IL1R1: variants seen among roughly 807,000 people sequenced by gnomAD.
IL1R1 encodes interleukin 1 receptor type 1.
A neutral mutation model predicts 50.2 loss-of-function variants in IL1R1; 22 were observed. The ratio of observed to expected loss-of-function variants is 0.44; its 90% CI spans 0.31 to 0.63. IL1R1 has a LOEUF of 0.63. Ranked by LOEUF, IL1R1 falls within the 20% of genes least tolerant of loss-of-function variation. IL1R1 has a pLI of 0.07. For missense variants in IL1R1, 509 were observed against 676.2 expected, an observed-to-expected ratio of 0.75 and a Z score of 2.74; for synonymous variants, 251 against 236.7, an observed-to-expected ratio of 1.06 and a Z score of -0.55.
rs1364335395 is a variant in IL1R1 at position 102,176,526 on chromosome 2, A to G, written c.1477A>G (p.Ile493Val). The change falls in exon 12 of 12, where the codon ATC (isoleucine) becomes GTC (valine). Residue 493 changes from isoleucine (I) to valine (V), a missense_variant. Ile to Val is a conservative substitution (Grantham distance 29, BLOSUM62 3). Transcript: ENST00000410023. ...IKVVLLELEK[I>V]QDYEKMPESI... ...AGTTGTCCTGCTTGAGCTGGAGAAA[A>G]TCCAAGACTATGAGAAAATGCCAGA... 1 of 1,614,160 alleles carries G rather than the reference A, an allele frequency of 6.2e-7. No individual in the cohort carries two copies.
upstream of IL1R1, chr2:102,142,381 C>T (rs1247198419): frequency 6.6e-6 from 1 of 152,148 alleles, no homozygotes; most frequent in Non-Finnish European, 1.5e-5. Flanking sequence ...GATCTGATGC[C>T]CTGGAGTCGC....
intron 1 of IL1R1, among the ~76,000 whole-genome samples, chr2:102,074,080 T>C (rs1257806967): frequency 1.3e-5 from 2 of 152,196 alleles, no homozygotes; most frequent in African/African-American, 4.8e-5. Context: ...AGGTTTGCAA[T>C]ATAATTTAGG....
At chr2:102,136,294 C>T (rs777743794) in intron 1 of IL1R1, among the ~76,000 whole-genome samples, 2 of 152,060 alleles carry the variant, frequency 1.3e-5, no homozygotes, top group African/African-American at 2.4e-5. Context: ...GGTCCTATCG[C>T]CTCTTCTCCC....
intron 1 of IL1R1, among the ~76,000 whole-genome samples, chr2:102,131,059 A>C (rs1682003106): frequency 6.6e-6 from 1 of 152,118 alleles, no homozygotes; most frequent in African/African-American, 2.4e-5. Context: ...GCCTCCCTAA[A>C]AGATTAGATG....
chr2:102,114,493 A>G (rs1244240901), intron 1 of IL1R1, among the ~76,000 whole-genome samples: 1 of 151,796 alleles, frequency 6.6e-6, no homozygotes, highest in Non-Finnish European at 1.5e-5. Flanking sequence ...TGAACCTGCC[A>G]TGACAACCTC....
chr2:102,114,567 G>A (rs999469515), intron 1 of IL1R1, among the ~76,000 whole-genome samples: 1 of 152,214 alleles, frequency 6.6e-6, no homozygotes, highest in Non-Finnish European at 1.5e-5. Context: ...TTTCTGGGCT[G>A]ACTCACAGGG....
rs192912038 is a variant in IL1R1 at position 102,148,415 on chromosome 2, C to G, written c.-84+5395C>G. ...GATTATTATGGACATTTACTTAGGA[C>G]AGTGCCTCTCGGATTTTACCTCCCA... On this transcript the variant is annotated intron_variant, in intron 1 of 11. Coordinates refer to ENST00000410023, the MANE Select transcript of IL1R1 (RefSeq NM_000877.4). Among the ~76,000 whole-genome samples the G allele has an allele frequency of 8.8e-4, 134 of 152,304 alleles. 1 individual carries two copies. Among genetic ancestry groups the G allele is most frequent in the East Asian group, 9.7e-4 (5 of 5,178 alleles).
intron 1 of IL1R1, among the ~76,000 whole-genome samples, chr2:102,097,896 T>G (rs1389132071): frequency 1.3e-5 from 2 of 151,934 alleles, no homozygotes; most frequent in African/African-American, 4.8e-5. Context: ...GGATAAAAAT[T>G]AAAAGAAACA....
At chr2:102,109,413 AG>A (rs1680614581) in intron 1 of IL1R1, among the ~76,000 whole-genome samples, 1 of 149,318 alleles carries the variant, frequency 6.7e-6, no homozygotes, top group Non-Finnish European at 1.5e-5. Flanking sequence ...TGAGAAGTTC[AG>A]TAAGTTTCCC....
At chr2:102,133,243 CAAAA>C (rs70946673) in intron 1 of IL1R1, among the ~76,000 whole-genome samples, 6 of 116,870 alleles carry the variant, frequency 5.1e-5, no homozygotes, top group South Asian at 2.9e-4. Context: ...GACTCTGTCT[CAAAA>C]AAAAAAAAAA....
chr2:102,112,729 T>C (rs1680842471), intron 1 of IL1R1, among the ~76,000 whole-genome samples: 1 of 151,994 alleles, frequency 6.6e-6, no homozygotes, highest in Admixed American at 6.5e-5. Context: ...ATAAATACTT[T>C]AATAGTTTTT....
chr2:102,089,536 G>T (rs2104307631), intron 1 of IL1R1, among the ~76,000 whole-genome samples: 1 of 152,310 alleles, frequency 6.6e-6, no homozygotes, highest in Non-Finnish European at 1.5e-5. Flanking sequence ...GTTACCACAT[G>T]CTGTTGGAAA....
chr2:102,099,416 T>C (rs112808092), intron 1 of IL1R1, among the ~76,000 whole-genome samples: 1 of 152,220 alleles, frequency 6.6e-6, no homozygotes, highest in East Asian at 1.9e-4. Context: ...TCTATTGTTA[T>C]GAAGATCTTT....
intron 1 of IL1R1, among the ~76,000 whole-genome samples, chr2:102,093,211 GA>G (rs955892189): frequency 2.4e-4 from 37 of 151,476 alleles, no homozygotes; most frequent in Admixed American, 9.8e-4. Flanking sequence ...TGGTGAAGGA[GA>G]AAAAAAAGGG....
intron 1 of IL1R1, among the ~76,000 whole-genome samples, chr2:102,134,535 C>T (rs896142024): frequency 3.3e-5 from 5 of 152,190 alleles, no homozygotes; most frequent in South Asian, 2.1e-4. Context: ...TGTGCCACCA[C>T]GCCCAGCTAA....
intron 1 of IL1R1, among the ~76,000 whole-genome samples, chr2:102,090,891 G>A (rs1255713311): frequency 2.0e-5 from 3 of 152,112 alleles, no homozygotes; most frequent in African/African-American, 7.2e-5. Context: ...TGTATGAGAG[G>A]ACAATAGAGG....
chr2:102,094,301 A>G (rs758675802), intron 1 of IL1R1, among the ~76,000 whole-genome samples: 3 of 152,226 alleles, frequency 2.0e-5, no homozygotes, highest in African/African-American at 7.2e-5. Context: ...ATCATGATTA[A>G]TACCAATTGA....
chr2:102,074,384 C>T lies in IL1R1; in HGVS notation c.-84+3851C>T, dbSNP rs538115213. On this transcript the variant is annotated intron_variant, in intron 1 of 11. Coordinates refer to the IL1R1 transcript ENST00000409929. ...GGGGAGGCTGGGCTCAGATGGCAAGCTGTGATGACTGGGCCTATCTGCCCA... is the reference window on the plus strand; with the variant it reads ...GGGGAGGCTGGGCTCAGATGGCAAGTTGTGATGACTGGGCCTATCTGCCCA... Among the ~76,000 whole-genome samples the T allele has an allele frequency of 4.9e-5, 5 of 101,234 alleles. No individual in the cohort carries two copies. The East Asian group carries it at 1.9e-3, about 38-fold the overall frequency. The allele number at this position is 101,234 out of a possible 152,430, so 66.4% of individuals were successfully genotyped here. A position where few individuals can be genotyped will look rare whatever the true frequency, so the allele number is the denominator to read the frequency against.
intron 1 of IL1R1, among the ~76,000 whole-genome samples, chr2:102,098,628 A>G (rs1680005132): frequency 6.6e-6 from 1 of 152,220 alleles, no homozygotes; most frequent in Non-Finnish European, 1.5e-5. Flanking sequence ...TGATTATGAA[A>G]GCCATATAAT....
Sources: gnomAD v4.1 joint callset for allele counts (sites outside exome capture counted in the v4.1 genomes callset) on GRCh38, gnomAD v4.1.1 for gene constraint, MANE v1.5 for transcripts, NCBI Gene and HGNC (gene_info 2026-07-23, HGNC 2026-07-21) for gene names.